SETBP1: variants seen among roughly 807,000 people sequenced by gnomAD.
SETBP1 encodes the protein SET-binding protein.
Under a neutral mutation model 101.0 loss-of-function variants are expected in SETBP1, and 9 were observed. The ratio of observed to expected loss-of-function variants is 0.09; its 90% CI spans 0.05 to 0.16. The LOEUF is 0.16. Ranked by LOEUF, SETBP1 falls within the 10% of genes least tolerant of loss-of-function variation. The probability of loss-of-function intolerance (pLI) is 1.00; values close to 1 mark genes in which losing one functional copy is unlikely to be tolerated. For missense variants in SETBP1, 1,858 were observed against 2,033.8 expected, an observed-to-expected ratio of 0.91 and a Z score of 1.66; for synonymous variants, 818 against 788.5, an observed-to-expected ratio of 1.04 and a Z score of -0.63.
Position 45,029,047 on chromosome 18 carries a change from T to C in SETBP1, c.4001-9438T>C, listed in dbSNP as rs1311537489. On this transcript the variant is annotated intron_variant, in intron 4 of 5. Coordinates refer to ENST00000649279, the MANE Select transcript of SETBP1 (RefSeq NM_015559.3). ...CCTATTTGTCAATTTTGGCTTTTGT[T>C]GCCATTGTTTTTGGTGTTTTAGACA... 2.0e-5 allele frequency among the ~76,000 whole-genome samples: 3 copies of C among 152,362 alleles called. No individual in the cohort carries two copies. The East Asian group carries it at 5.8e-4, about 29-fold the overall frequency.
At chr18:44,915,572 T>C (rs573332943) in intron 3 of SETBP1, among the ~76,000 whole-genome samples, 1 of 152,308 alleles carries the variant, frequency 6.6e-6, no homozygotes, top group South Asian at 2.1e-4. Context: ...ATGTGCAGTA[T>C]TGACTGTTAA....
chr18:44,990,249 G>A (rs185675204), intron 4 of SETBP1, among the ~76,000 whole-genome samples: 7 of 152,106 alleles, frequency 4.6e-5, no homozygotes, highest in Admixed American at 2.6e-4. Context: ...ATGTGAGAAG[G>A]TATAGTGAAC....
At chr18:44,748,641 T>C (rs925701823) in intron 2 of SETBP1, among the ~76,000 whole-genome samples, 1 of 151,926 alleles carries the variant, frequency 6.6e-6, no homozygotes, top group Non-Finnish European at 1.5e-5. Flanking sequence ...GCAGGCACCA[T>C]GTGCGTGCTT....
chr18:44,993,600 G>A (rs2072428178), intron 4 of SETBP1, among the ~76,000 whole-genome samples: 2 of 151,924 alleles, frequency 1.3e-5, no homozygotes, highest in Admixed American at 1.3e-4. Flanking sequence ...TTAAAAATGA[G>A]TCTTATTGAA....
chr18:45,063,866 T>G lies in SETBP1; in HGVS notation c.*168T>G. The G allele has an allele frequency of 2.9e-6, 2 of 682,194 alleles. No homozygotes were observed. The highest frequency in any genetic ancestry group is 4.9e-6 in the Non-Finnish European group (2 of 412,150). The allele number at this position is 682,194 out of a possible 1,614,324, so 42.3% of individuals were successfully genotyped here. On this transcript the variant is annotated 3_prime_UTR_variant, in exon 6 of 6. Coordinates refer to ENST00000649279, the MANE Select transcript of SETBP1 (RefSeq NM_015559.3). ...GACGGGGCTGAGCCATCAGGAGCTC[T>G]TGGGAAAGCAAAGCAGGGAGACACC...
intron 3 of SETBP1, among the ~76,000 whole-genome samples, chr18:44,933,926 A>G (rs573345860): frequency 6.6e-6 from 1 of 152,034 alleles, no homozygotes; most frequent in South Asian, 2.1e-4. Flanking sequence ...GCCCTGCTCC[A>G]TGGGCTGCAC....
intron 3 of SETBP1, 148 bp downstream of exon 3, chr18:44,869,431 T>C: frequency 1.3e-6 from 1 of 744,566 alleles, no homozygotes; most frequent in East Asian, 2.6e-5. Flanking sequence ...ACCTGGTGGC[T>C]TGCTCTCCTC....
rs148411306 is a variant in SETBP1 at position 44,782,864 on chromosome 18, A to G, written c.486+81032A>G. 3.7e-3 allele frequency among the ~76,000 whole-genome samples: 557 copies of G among 152,230 alleles called. 2 individuals are homozygous for G. Among genetic ancestry groups the G allele is most frequent in the African/African-American group, 0.013 (532 of 41,538 alleles). ...GTGATCTTGTCCTTGTGATAATTAT[A>G]TCTTACCACTGGGAAGCCCTAATAG... On this transcript the variant is annotated intron_variant, in intron 2 of 5. Transcript: ENST00000649279.
At chr18:44,877,484 CA>C (rs1568196011) in intron 3 of SETBP1, 130 of 600,242 alleles carry the variant, frequency 2.2e-4, no homozygotes, top group Non-Finnish European at 2.5e-4. Context: ...GTTCACCCTC[CA>C]AAAAAAATGG....
chr18:44,891,564 G>A (rs1322697653), intron 3 of SETBP1, among the ~76,000 whole-genome samples: 1 of 152,068 alleles, frequency 6.6e-6, no homozygotes, highest in Non-Finnish European at 1.5e-5. Context: ...AAGTCATCAT[G>A]GGTGAGTCTG....
intron 2 of SETBP1, among the ~76,000 whole-genome samples, chr18:44,831,089 A>T (rs1327879370): frequency 6.6e-6 from 1 of 152,148 alleles, no homozygotes. Context: ...CCTCTTTTTT[A>T]AAAAAGGACA....
intron 3 of SETBP1, among the ~76,000 whole-genome samples, chr18:44,910,071 G>A (rs994357196): frequency 1.3e-5 from 2 of 152,148 alleles, no homozygotes; most frequent in Admixed American, 6.5e-5. Context: ...CTATCGGATG[G>A]GTGTTTCTGA....
At chr18:44,719,761 C>T (rs909277356) in intron 2 of SETBP1, among the ~76,000 whole-genome samples, 1 of 152,138 alleles carries the variant, frequency 6.6e-6, no homozygotes, top group African/African-American at 2.4e-5. Context: ...CTGGCTGGGC[C>T]CTGATTGCAG....
intron 2 of SETBP1, among the ~76,000 whole-genome samples, chr18:44,757,111 AGTT>A (rs2144567158): frequency 6.6e-6 from 1 of 152,210 alleles, no homozygotes; most frequent in Non-Finnish European, 1.5e-5. Context: ...GATAAGATAC[AGTT>A]GTTAGGATGA....
At chr18:45,011,831 G>A (rs1340686243) in intron 4 of SETBP1, among the ~76,000 whole-genome samples, 1 of 152,142 alleles carries the variant, frequency 6.6e-6, no homozygotes, top group East Asian at 1.9e-4. Flanking sequence ...GATGAAAGAT[G>A]GAGATAATCT....
At chr18:45,020,885 C>A (rs1243020937) in intron 4 of SETBP1, among the ~76,000 whole-genome samples, 1 of 152,212 alleles carries the variant, frequency 6.6e-6, no homozygotes, top group Non-Finnish European at 1.5e-5. Context: ...TATCCATCTG[C>A]AAATGTGGGG....
intron 2 of SETBP1, among the ~76,000 whole-genome samples, chr18:44,769,827 G>A (rs1201562558): frequency 1.3e-5 from 2 of 152,212 alleles, no homozygotes; most frequent in Non-Finnish European, 2.9e-5. Flanking sequence ...TACATATGCT[G>A]CTGTGCTGAG....
At chr18:44,919,227 G>A (rs1599321369) in intron 3 of SETBP1, among the ~76,000 whole-genome samples, 1 of 152,246 alleles carries the variant, frequency 6.6e-6, no homozygotes, top group East Asian at 1.9e-4. Context: ...ATAGGGTTCT[G>A]ACTCTGCAGG....
chr18:44,903,893 T>C (rs1324756403), intron 3 of SETBP1, among the ~76,000 whole-genome samples: 2 of 152,216 alleles, frequency 1.3e-5, no homozygotes, highest in African/African-American at 2.4e-5. Context: ...GCTCATTTGA[T>C]AGTCTGATGT....
Sources: gnomAD v4.1 joint callset for allele counts (sites outside exome capture counted in the v4.1 genomes callset) on GRCh38, gnomAD v4.1.1 for gene constraint, MANE v1.5 for transcripts, NCBI Gene and HGNC (gene_info 2026-07-23, HGNC 2026-07-21) for gene names.